The following CBLB variants were observed in gnomAD, a reference collection of about 807,000 sequenced individuals.
CBLB encodes E3 ubiquitin-protein ligase CBL-B.
CBLB carries 31 observed loss-of-function variants against 104.9 expected under a neutral mutation model. That is an observed-to-expected ratio of 0.30 (90% CI 0.22 to 0.40). The LOEUF (loss-of-function observed/expected upper bound fraction) is 0.40. CBLB is among the 10% of genes least tolerant of loss of function. The pLI is 1.00. For missense variants in CBLB, 1,062 were observed against 1,214.6 expected, an observed-to-expected ratio of 0.87 and a Z score of 1.87; for synonymous variants, 440 against 422.6, an observed-to-expected ratio of 1.04 and a Z score of -0.51.
intron 4 of CBLB, among the ~76,000 whole-genome samples, chr3:105,765,091 A>G (rs1313299566): frequency 6.6e-6 from 1 of 152,242 alleles, no homozygotes; most frequent in Non-Finnish European, 1.5e-5. Context: ...AGAAGCAACA[A>G]GTTATACAGA....
intron 18 of CBLB, among the ~76,000 whole-genome samples, chr3:105,668,312 A>G (rs926283040): frequency 5.3e-5 from 8 of 152,276 alleles, no homozygotes; most frequent in Middle Eastern, 6.8e-3. Context: ...TTGAAATCAT[A>G]TATGTGAATG....
intron 10 of CBLB, 132 bp from the exon 11 acceptor site, chr3:105,704,305 C>T (rs1443378589): frequency 1.2e-6 from 1 of 822,696 alleles, no homozygotes; most frequent in East Asian, 2.6e-5. Context: ...CCTTAGTTTA[C>T]CCTGATTAAT....
intron 13 of CBLB, among the ~76,000 whole-genome samples, chr3:105,689,585 T>A (rs1413839488): frequency 6.6e-6 from 1 of 151,278 alleles, no homozygotes; most frequent in African/African-American, 2.4e-5. Flanking sequence ...TTATTACTTG[T>A]AATAATGCCT....
At chr3:105,701,001 T>C (rs1047751807) in intron 12 of CBLB, among the ~76,000 whole-genome samples, 1 of 152,172 alleles carries the variant, frequency 6.6e-6, no homozygotes, top group Admixed American at 6.5e-5. Flanking sequence ...ATCACTTTAA[T>C]ATTATAGTCT....
At chr3:105,843,088 T>C (rs2089774197) in intron 3 of CBLB, among the ~76,000 whole-genome samples, 1 of 152,230 alleles carries the variant, frequency 6.6e-6, no homozygotes, top group African/African-American at 2.4e-5. Context: ...CTATGTCTGC[T>C]TTCCTAGTAC....
chr3:105,665,097 T>C (rs1001691799), intron 18 of CBLB, among the ~76,000 whole-genome samples: 5 of 152,112 alleles, frequency 3.3e-5, no homozygotes, highest in African/African-American at 9.7e-5. Context: ...CTTCTATAAA[T>C]TGACATTAAT....
Position 105,768,238 on chromosome 3 carries a change from T to A in CBLB, c.566+8158A>T, listed in dbSNP as rs558188892. On this transcript the variant is annotated intron_variant, in intron 4 of 18. Transcript: ENST00000394030. The stretch of plus-strand genomic sequence containing the variant: ...TAGCGAAGTTTAAGAAGAGATCTAG[T>A]AATAACACTAATGGGAAAAATTATG... 2.0e-5 allele frequency among the ~76,000 whole-genome samples: 3 copies of A among 152,326 alleles called. No individual in the cohort carries two copies. The South Asian group carries it at 6.2e-4, about 32-fold the overall frequency.
At chr3:105,731,147 ATGT>A (rs2074269654) in intron 9 of CBLB, among the ~76,000 whole-genome samples, 1 of 152,218 alleles carries the variant, frequency 6.6e-6, no homozygotes, top group Non-Finnish European at 1.5e-5. Flanking sequence ...ACACATAGAC[ATGT>A]TGTGGTGATG....
At chr3:105,789,669 A>G (rs949173006) in intron 3 of CBLB, among the ~76,000 whole-genome samples, 18 of 152,304 alleles carry the variant, frequency 1.2e-4, no homozygotes, top group African/African-American at 3.8e-4. Flanking sequence ...AATGTAAGCA[A>G]AGACATAGAA....
intron 10 of CBLB, among the ~76,000 whole-genome samples, chr3:105,707,138 G>T (rs890603997): frequency 2.0e-5 from 3 of 152,174 alleles, no homozygotes; most frequent in Non-Finnish European, 4.4e-5. Flanking sequence ...CCTCAGAACA[G>T]ACATCCAAAC....
rs757134217 is a variant in CBLB, at chr3:105,821,264, C to CTA, written c.419+32148_419+32149dup. The stretch of plus-strand genomic sequence containing the variant: ...AAAGATCAGATATCTATATCTATAT[C>CTA]TATCTATCTATCTATCTATCTATCT... On this transcript the variant is annotated intron_variant, in intron 3 of 18. Transcript: ENST00000394030. 2.7e-5 allele frequency among the ~76,000 whole-genome samples: 4 copies of CTA among 147,178 alleles called. No homozygotes were observed. The South Asian group carries it at 6.5e-4, about 24-fold the overall frequency.
At chr3:105,707,026 A>G (rs1184242215) in intron 10 of CBLB, among the ~76,000 whole-genome samples, 1 of 152,188 alleles carries the variant, frequency 6.6e-6, no homozygotes, top group Non-Finnish European at 1.5e-5. Context: ...TTAATTACTA[A>G]TATTTAAGCA....
rs1009592315 is a variant in CBLB at position 105,704,056 on chromosome 3, G to A, written c.1525C>T (p.Pro509Ser). ...IPHLSLPPVP[P>S]RLDLIQKGIV... ...CCTTTCTGAATTAGATCCAGGCGAG[G>A]AGGCACGGGTGGCAGGCTTAGATGT... The change falls in exon 11 of 19, where the codon CCT (proline) becomes TCT (serine). Residue 509 changes from proline (P) to serine (S), a missense_variant. By Grantham distance (74) the Pro-to-Ser change is moderately conservative. This residue lies in a region of CBLB where 457 missense variants were observed against 632.0 expected (regional missense o/e 0.72). Transcript: ENST00000394030. 1 of 1,614,032 alleles carries A rather than the reference G, an allele frequency of 6.2e-7. No homozygotes were observed. Among genetic ancestry groups the A allele is most frequent in the Admixed American group, 1.7e-5 (1 of 60,004 alleles).
intron 18 of CBLB, among the ~76,000 whole-genome samples, chr3:105,663,634 C>G (rs1175294309): frequency 6.6e-6 from 1 of 151,930 alleles, no homozygotes; most frequent in African/African-American, 2.4e-5. Context: ...CTTTCAGCCT[C>G]CAACAGAGTG....
At chr3:105,733,930 C>T in intron 9 of CBLB, 79 bp downstream of exon 9, 1 of 1,366,360 alleles carries the variant, frequency 7.3e-7, no homozygotes, top group South Asian at 1.2e-5. Context: ...AGCATTACTT[C>T]CTAAACCATT....
intron 3 of CBLB, among the ~76,000 whole-genome samples, chr3:105,778,664 C>T (rs1158310073): frequency 6.6e-6 from 1 of 151,984 alleles, no homozygotes; most frequent in African/African-American, 2.4e-5. Flanking sequence ...GACCTGTACC[C>T]ATAAACAATC....
intron 3 of CBLB, among the ~76,000 whole-genome samples, chr3:105,796,884 C>T (rs1258295116): frequency 6.6e-6 from 1 of 152,186 alleles, no homozygotes; most frequent in Non-Finnish European, 1.5e-5. Flanking sequence ...GGAACCATCT[C>T]ACAGCACTCA....
chr3:105,863,463 G>C (rs1357686614), intron 2 of CBLB, among the ~76,000 whole-genome samples: 2 of 152,162 alleles, frequency 1.3e-5, no homozygotes, highest in Non-Finnish European at 2.9e-5. Context: ...TAAGGCTCTA[G>C]GAATGTAAGA....
intron 3 of CBLB, among the ~76,000 whole-genome samples, chr3:105,795,973 C>T (rs780697767): frequency 3.5e-4 from 53 of 152,186 alleles, no homozygotes; most frequent in Non-Finnish European, 6.0e-4. Flanking sequence ...CCACCCACCT[C>T]GGCCTCCCAA....
Sources: allele counts gnomAD v4.1 joint callset (sites outside exome capture counted in the v4.1 genomes callset), GRCh38; gene constraint gnomAD v4.1.1; regional missense constraint gnomAD v4.1.1; transcripts MANE v1.5; gene names NCBI Gene and HGNC (gene_info 2026-07-23, HGNC 2026-07-21).